Variants in MTREX observed in about 807,000 individuals in gnomAD.
MTREX encodes the protein Mtr4 exosome RNA helicase, also known as exosome RNA helicase MTR4.
In MTREX, 76 loss-of-function variants were observed where a neutral mutation model predicts 135.4. That is an observed-to-expected ratio of 0.56 (90% CI 0.47 to 0.68). The LOEUF is 0.68. Among genes scored for constraint, MTREX ranks in the 30% least tolerant of loss-of-function variants. MTREX has a pLI of 0.00. For synonymous variants in MTREX, 404 were observed against 401.6 expected, an observed-to-expected ratio of 1.01 and a Z score of -0.07; for missense variants, 920 against 1,262.1, an observed-to-expected ratio of 0.73 and a Z score of 4.11.
In MTREX at chr5:55,345,185, G is replaced by A; in HGVS notation, c.1097G>A (p.Gly366Glu). Residue 366 changes from glycine to glutamate, a missense_variant, in exon 10 of 27, where the codon GGA (glycine) becomes GAA (glutamate). Physicochemically the swap from Gly to Glu is moderately conservative, Grantham distance 98. Around this residue, in one of 6 missense-constraint regions of MTREX, gnomAD observed 101 missense variants for 119.1 expected, o/e 0.85. Transcript: ENST00000230640. ...LAKGDQKGRKGGTKGPSNVFK... is the reference protein window; with the variant it reads ...LAKGDQKGRKEGTKGPSNVFK... ...AAAGGAGACCAGAAAGGGCGGAAAG[G>A]AGGAACAAAAGGTAATTTGGAACTT... The A allele has an allele frequency of 1.2e-6, 2 of 1,608,572 alleles. No homozygotes were observed. Among genetic ancestry groups the A allele is most frequent in the Non-Finnish European group, 1.7e-6 (2 of 1,175,418 alleles).
At chr5:55,386,867 A>C (rs1399701638) in intron 18 of MTREX, among the ~76,000 whole-genome samples, 1 of 152,020 alleles carries the variant, frequency 6.6e-6, no homozygotes, top group Non-Finnish European at 1.5e-5. Flanking sequence ...CTCCTCTGTA[A>C]AGCTAATGTG....
intron 21 of MTREX, 50 bp downstream of exon 21, chr5:55,400,471 A>G: frequency 1.6e-6 from 2 of 1,235,028 alleles, no homozygotes; most frequent in Non-Finnish European, 2.3e-6. Context: ...GTTTCACTGA[A>G]TAAATATGTG....
chr5:55,410,432 A>G (rs998195455), intron 22 of MTREX, 92 bp from the exon 23 acceptor site: 1 of 581,400 alleles, frequency 1.7e-6, no homozygotes, highest in Non-Finnish European at 3.0e-6. Flanking sequence ...GTCAAATAAT[A>G]TATTTTATTA....
chr5:55,422,305 A>G (rs1280402199), intron 25 of MTREX, among the ~76,000 whole-genome samples: 3 of 152,208 alleles, frequency 2.0e-5, no homozygotes, highest in Non-Finnish European at 4.4e-5. Context: ...GTGCTCCTTG[A>G]GAACACTGTG....
At position 55,324,053 on chromosome 5, in the gene MTREX, A is replaced by T. The variant is rs1012768544; in HGVS notation, c.273-79A>T. 3 of 1,002,320 alleles carry T rather than the reference A, an allele frequency of 3.0e-6. No individual in the cohort carries two copies. The African/African-American group carries it at 4.8e-5, about 16-fold the overall frequency. 62.1% of individuals were successfully genotyped at this position (1,002,320 alleles called of 1,614,324 possible). A position where few individuals can be genotyped will look rare whatever the true frequency, so the allele number is the denominator to read the frequency against. The stretch of plus-strand genomic sequence containing the variant: ...ATGATTGGACAGTGTCATTTTCCTT[A>T]ACAGTGCAATGTGAGGCTTATTATC... On this transcript the variant is annotated intron_variant, in intron 2 of 26. Coordinates refer to ENST00000230640, the MANE Select transcript of MTREX (RefSeq NM_015360.5).
intron 15 of MTREX, 91 bp from the exon 16 acceptor site, chr5:55,366,634 G>A (rs1750109524): frequency 1.1e-6 from 1 of 902,048 alleles, no homozygotes; most frequent in Non-Finnish European, 1.6e-6. Context: ...ATTTCTTAAT[G>A]TAGACTGTTA....
Position 55,346,073 on chromosome 5 carries a change from T to C in MTREX, c.1108+877T>C, listed in dbSNP as rs76506235. On this transcript the variant is annotated intron_variant, in intron 10 of 26. Coordinates refer to ENST00000230640, the MANE Select transcript of MTREX (RefSeq NM_015360.5). ...TTTCTCCATTCATCATTGGATGGACTTTTGGGTTTTTCTGGTTTTTGACTG... is the reference window on the plus strand; with the variant it reads ...TTTCTCCATTCATCATTGGATGGACCTTTGGGTTTTTCTGGTTTTTGACTG... Among the ~76,000 whole-genome samples the C allele has an allele frequency of 6.1e-3, 929 of 152,324 alleles. 7 individuals are homozygous for C. Among genetic ancestry groups the C allele is most frequent in the African/African-American group, 0.022 (896 of 41,548 alleles).
chr5:55,372,304 G>C (rs1750216385), intron 16 of MTREX, among the ~76,000 whole-genome samples: 1 of 152,102 alleles, frequency 6.6e-6, no homozygotes, highest in South Asian at 2.1e-4. Context: ...CAGTGATGCA[G>C]TTCATTTAAA....
intron 19 of MTREX, among the ~76,000 whole-genome samples, chr5:55,390,316 T>C (rs1037586520): frequency 9.2e-5 from 14 of 152,232 alleles, no homozygotes; most frequent in African/African-American, 3.1e-4. Context: ...TTGGCCAGGA[T>C]GGTCTTGATC....
intron 16 of MTREX, among the ~76,000 whole-genome samples, chr5:55,375,447 A>G (rs1272920169): frequency 6.6e-6 from 1 of 152,136 alleles, no homozygotes; most frequent in Non-Finnish European, 1.5e-5. Context: ...TATTTCTCCC[A>G]TTTGCTTTTG....
intron 18 of MTREX, among the ~76,000 whole-genome samples, chr5:55,381,729 G>T (rs1750399134): frequency 1.3e-5 from 2 of 152,154 alleles, no homozygotes; most frequent in Non-Finnish European, 2.9e-5. Flanking sequence ...GCTGCTTTAA[G>T]GTGGGATGTT....
At chr5:55,366,020 A>G (rs977765806) in intron 15 of MTREX, among the ~76,000 whole-genome samples, 1 of 151,886 alleles carries the variant, frequency 6.6e-6, no homozygotes, top group Non-Finnish European at 1.5e-5. Flanking sequence ...CTGAAGAGAC[A>G]CTGCTGAAAG....
chr5:55,395,422 A>G (rs1334742288), intron 19 of MTREX, among the ~76,000 whole-genome samples: 1 of 152,024 alleles, frequency 6.6e-6, no homozygotes, highest in Non-Finnish European at 1.5e-5. Context: ...TAAAATAAAT[A>G]AAATAAAATA....
rs10471413 is a variant in MTREX at position 55,378,468 on chromosome 5, A to G, written c.1965A>G (p.Gln655=). Residue 655 remains glutamine (Q), a synonymous_variant, in exon 17 of 27, where the codon CAA becomes CAG. Coordinates refer to ENST00000230640, the MANE Select transcript of MTREX (RefSeq NM_015360.5). ...CAAAATACTGCTTACCTTTTCTACA[A>G]CCAGGTCGTTTGGTAAAGGTATGTC... is the stretch of plus-strand genomic sequence containing the variant. ...HKPKYCLPFL[Q]PGRLVKVKNE... 164,706 of 1,608,150 alleles carry G rather than the reference A, an allele frequency of 0.1. 10,162 individuals are homozygous for G. The highest frequency in any genetic ancestry group is 0.26 in the East Asian group (11,620 of 44,480).
At chr5:55,349,481 G>C (rs190025912) in intron 11 of MTREX, 92 bp from the exon 12 acceptor site, 64 of 750,164 alleles carry the variant, frequency 8.5e-5, no homozygotes, top group Non-Finnish European at 1.4e-4. Context: ...GGGACACCAC[G>C]CCTGGCCTTT....
At chr5:55,342,543 G>T (rs1368843287) in intron 7 of MTREX, among the ~76,000 whole-genome samples, 1 of 152,158 alleles carries the variant, frequency 6.6e-6, no homozygotes, top group Non-Finnish European at 1.5e-5. Flanking sequence ...TTACGCTCTC[G>T]TAATGAAAAA....
chr5:55,413,207 C>T (rs1006577709), intron 23 of MTREX, among the ~76,000 whole-genome samples: 9 of 151,844 alleles, frequency 5.9e-5, no homozygotes, highest in African/African-American at 2.2e-4. Flanking sequence ...GGCGTGGTGG[C>T]ACTCCTGTAA....
chr5:55,424,708 C>A lies in MTREX; in HGVS notation c.3077-12C>A, dbSNP rs749300608. 4.4e-6 allele frequency: 7 copies of A among 1,604,992 alleles called. No homozygotes were observed. Among genetic ancestry groups the A allele is most frequent in the Admixed American group, 1.7e-5 (1 of 59,844 alleles). Reference sequence around the variant, plus strand: ...GTCTTGAAAGTTTAAACCTTACTTTCTTTTCTCTTAGGAATCACCAAAATC... The same window carrying A: ...GTCTTGAAAGTTTAAACCTTACTTTATTTTCTCTTAGGAATCACCAAAATC... On this transcript the variant is annotated splice_polypyrimidine_tract_variant and intron_variant, in intron 26 of 26. Transcript: ENST00000230640.
chr5:55,359,694 A>G (rs1443992020), intron 15 of MTREX, among the ~76,000 whole-genome samples: 1 of 152,136 alleles, frequency 6.6e-6, no homozygotes, highest in African/African-American at 2.4e-5. Flanking sequence ...GAAAATTTGT[A>G]TTTTTATTCT....
Sources: gnomAD v4.1 joint callset for allele counts (sites outside exome capture counted in the v4.1 genomes callset) on GRCh38, gnomAD v4.1.1 for gene constraint, gnomAD v4.1.1 regional missense constraint, MANE v1.5 for transcripts, NCBI Gene and HGNC (gene_info 2026-07-23, HGNC 2026-07-21) for gene names.